ERBB4: variants seen among roughly 807,000 people sequenced by gnomAD.
ERBB4 encodes receptor tyrosine-protein kinase erbB-4.
In ERBB4, 42 loss-of-function variants were observed where a neutral mutation model predicts 158.0. That is an observed-to-expected ratio of 0.27 (90% CI 0.21 to 0.34). The LOEUF is 0.34. Ranked by LOEUF, ERBB4 falls within the 10% of genes least tolerant of loss-of-function variation. The pLI, the probability that ERBB4 is intolerant of heterozygous loss-of-function variation, is 1.00. For synonymous variants in ERBB4, 583 were observed against 558.7 expected (o/e 1.04, Z -0.61); for missense variants, 1,333 against 1,624.1 (o/e 0.82, Z 3.08).
intron 20 of ERBB4, among the ~76,000 whole-genome samples, chr2:211,456,471 A>C (rs2064383562): frequency 6.6e-6 from 1 of 152,230 alleles, no homozygotes; most frequent in Non-Finnish European, 1.5e-5. Context: ...AATTTATTGA[A>C]GTAAATCCAA....
intron 1 of ERBB4, among the ~76,000 whole-genome samples, chr2:212,257,592 A>G (rs2084786402): frequency 2.6e-5 from 4 of 152,136 alleles, no homozygotes; most frequent in Admixed American, 2.6e-4. Flanking sequence ...CTAAAATGTT[A>G]ATACCCTAAG....
intron 13 of ERBB4, among the ~76,000 whole-genome samples, chr2:211,675,186 G>A (rs990155426): frequency 6.7e-6 from 1 of 149,178 alleles, no homozygotes; most frequent in Non-Finnish European, 1.5e-5. Context: ...ACAATTTATA[G>A]TCTATTAAGT....
chr2:212,167,083 T>C (rs1257921194), intron 1 of ERBB4, among the ~76,000 whole-genome samples: 1 of 151,990 alleles, frequency 6.6e-6, no homozygotes, highest in Non-Finnish European at 1.5e-5. Flanking sequence ...GAAGCCAAAA[T>C]TGACAAATGG....
chr2:211,513,945 C>T (rs1270789016), intron 20 of ERBB4, among the ~76,000 whole-genome samples: 4 of 151,982 alleles, frequency 2.6e-5, no homozygotes, highest in South Asian at 2.1e-4. Flanking sequence ...GGATATCCAT[C>T]GTTTCAAACA....
At chr2:212,467,788 G>C (rs999304124) in intron 1 of ERBB4, among the ~76,000 whole-genome samples, 1 of 152,190 alleles carries the variant, frequency 6.6e-6, no homozygotes, top group African/African-American at 2.4e-5. Context: ...ACCCCAGAAT[G>C]GTAGATCTGC....
chr2:211,569,182 A>G (rs2067640638), intron 19 of ERBB4, among the ~76,000 whole-genome samples: 1 of 152,222 alleles, frequency 6.6e-6, no homozygotes, highest in African/African-American at 2.4e-5. Flanking sequence ...TTGGGTGGCC[A>G]TACGTTAGAT....
chr2:212,321,152 G>A (rs2087551417), intron 1 of ERBB4, among the ~76,000 whole-genome samples: 1 of 150,168 alleles, frequency 6.7e-6, no homozygotes, highest in Non-Finnish European at 1.5e-5. Context: ...TACTAATACT[G>A]TAACATGCAC....
At chr2:212,078,210 G>A (rs1162513517) in intron 2 of ERBB4, among the ~76,000 whole-genome samples, 1 of 151,768 alleles carries the variant, frequency 6.6e-6, no homozygotes, top group East Asian at 1.9e-4. Context: ...ATTTTTATTT[G>A]TCCCAGCAAC....
intron 25 of ERBB4, among the ~76,000 whole-genome samples, chr2:211,397,707 CAG>C (rs1299653347): frequency 1.4e-4 from 21 of 152,234 alleles, no homozygotes; most frequent in Admixed American, 1.4e-3. Context: ...TTATTCCTAA[CAG>C]AATTATTTCT....
chr2:211,376,177 G>A lies in ERBB4; in HGVS notation c.*7438C>T, dbSNP rs551363210. On this transcript the variant is annotated 3_prime_UTR_variant, in exon 28 of 28. Transcript: ENST00000342788. ...AATTGGCATATCCTATTGTGTAAGCGAGTGCAGAGGTTGAACACATCACAA... is the reference window on the plus strand; with the variant it reads ...AATTGGCATATCCTATTGTGTAAGCAAGTGCAGAGGTTGAACACATCACAA... 8.6e-6 allele frequency: 2 copies of A among 233,104 alleles called. No homozygotes were observed. The highest frequency in any genetic ancestry group is 2.2e-5 in the African/African-American group (1 of 45,404). The allele number at this position is 233,104 out of a possible 1,614,324, so 14.4% of individuals were successfully genotyped here.
At position 211,461,038 on chromosome 2, in the gene ERBB4, A is replaced by G. The variant is rs543043241; in HGVS notation, c.2488-29938T>C. On this transcript the variant is annotated intron_variant, in intron 20 of 27. Transcript: ENST00000342788. Reference sequence around the variant, plus strand: ...AACCTGGTATTACAGTTTATATTAGACAGCTAGCACTCATTTTTCTCCTTT... The same window carrying G: ...AACCTGGTATTACAGTTTATATTAGGCAGCTAGCACTCATTTTTCTCCTTT... Among the ~76,000 whole-genome samples the G allele has an allele frequency of 7.2e-3, 1,100 of 152,080 alleles. 21 individuals are homozygous for G. The highest frequency in any genetic ancestry group is 0.044 in the Middle Eastern group (13 of 294).
At chr2:212,015,041 AATATATATATATATATATATATAT>A (rs58361195) in intron 2 of ERBB4, among the ~76,000 whole-genome samples, 1 of 9,202 alleles carries the variant, frequency 1.1e-4, no homozygotes, top group African/African-American at 2.2e-4. Flanking sequence ...AAAAAAAAAA[AATATATATATATATATATATATAT>A]ATATATATAT....
intron 1 of ERBB4, among the ~76,000 whole-genome samples, chr2:212,190,552 A>G (rs2082159694): frequency 1.5e-5 from 2 of 132,184 alleles, no homozygotes; most frequent in African/African-American, 5.3e-5. Context: ...AAAAAAAAAA[A>G]GAAGAAGAAG....
At chr2:212,048,806 C>T (rs2077324699) in intron 2 of ERBB4, among the ~76,000 whole-genome samples, 1 of 152,154 alleles carries the variant, frequency 6.6e-6, no homozygotes, top group Non-Finnish European at 1.5e-5. Flanking sequence ...GTATTTAAAA[C>T]CCTGGGACTG....
At chr2:211,982,448 T>C (rs2081827959) in intron 2 of ERBB4, among the ~76,000 whole-genome samples, 1 of 152,132 alleles carries the variant, frequency 6.6e-6, no homozygotes. Flanking sequence ...GTTAAAGCTC[T>C]GAGAACAAGG....
chr2:211,696,461 T>C (rs777249232), intron 12 of ERBB4, among the ~76,000 whole-genome samples: 1 of 152,038 alleles, frequency 6.6e-6, no homozygotes, highest in Non-Finnish European at 1.5e-5. Flanking sequence ...AATACTATTA[T>C]CTATTCCATT....
In ERBB4 at chr2:211,445,807, A is replaced by G. The variant is rs1441892931; in HGVS notation, c.2488-14707T>C. On this transcript the variant is annotated intron_variant, in intron 20 of 27. Transcript: ENST00000342788. ...TGAAAGAGGAAGTCACAAGTTTGGG[A>G]TTGTTTATTCCTCCACCCCCAGAGA... 3.3e-5 allele frequency among the ~76,000 whole-genome samples: 5 copies of G among 152,216 alleles called. No homozygotes were observed. In the East Asian group the frequency reaches 9.7e-4, roughly 29 times the overall value.
chr2:212,440,328 C>T lies in ERBB4; in HGVS notation c.82+98121G>A, dbSNP rs557966723. 3.9e-5 allele frequency among the ~76,000 whole-genome samples: 6 copies of T among 152,200 alleles called. No individual in the cohort carries two copies. In the South Asian group the frequency reaches 6.2e-4, roughly 16 times the overall value. On this transcript the variant is annotated intron_variant, in intron 1 of 27. Coordinates refer to ENST00000342788, the MANE Select transcript of ERBB4 (RefSeq NM_005235.3). Reference sequence around the variant, plus strand: ...GGCAGAAAAATGTGAAAAGGAGAGACTGGCCTAGCATCCCAGGCTACAACT... The same window carrying T: ...GGCAGAAAAATGTGAAAAGGAGAGATTGGCCTAGCATCCCAGGCTACAACT...
chr2:211,624,123 CTT>C lies in ERBB4; in HGVS notation c.2080-81_2080-80del, dbSNP rs553666511. 2.7e-4 allele frequency: 405 copies of C among 1,517,524 alleles called. 2 individuals are homozygous for C. In the African/African-American group the frequency reaches 5.3e-3, roughly 20 times the overall value. The allele number at this position is 1,517,524 out of a possible 1,614,324, so 94.0% of individuals were successfully genotyped here. A position where few individuals can be genotyped will look rare whatever the true frequency, so the allele number is the denominator to read the frequency against. On this transcript the variant is annotated intron_variant, in intron 17 of 27. Coordinates refer to ENST00000342788, the MANE Select transcript of ERBB4 (RefSeq NM_005235.3). The stretch of plus-strand genomic sequence containing the variant: ...TCTCTGTCTCTCTCTCTCTCTCTCT[CTT>C]TGGTTCTCTTTCTTACAAAGAAAAA...
Sources: allele counts gnomAD v4.1 joint callset (sites outside exome capture counted in the v4.1 genomes callset), GRCh38; gene constraint gnomAD v4.1.1; transcripts MANE v1.5; gene names NCBI Gene and HGNC (gene_info 2026-07-23, HGNC 2026-07-21).